The following MGA variants were observed in gnomAD, a reference collection of about 807,000 sequenced individuals.
MGA encodes MAX dimerization protein MGA.
Under a neutral mutation model 261.1 loss-of-function variants are expected in MGA, and 40 were observed. The observed-to-expected ratio is 0.15, with a 90% CI of 0.12 to 0.20. MGA has a LOEUF of 0.20. Among genes scored for constraint, MGA ranks in the 10% least tolerant of loss-of-function variants. MGA has a pLI of 1.00. For synonymous variants in MGA, 1,302 were observed against 1,290.6 expected (o/e 1.01, Z -0.19); for missense variants, 3,397 against 3,630.5 (o/e 0.94, Z 1.65).
At chr15:41,711,395 A>ATT in intron 8 of MGA, 46 bp downstream of exon 8, 1 of 1,517,838 alleles carries the variant, frequency 6.6e-7, no homozygotes, top group Non-Finnish European at 8.8e-7. Flanking sequence ...CTTGGCTAGA[A>ATT]AGAGCGAGGT....
Position 41,757,782 on chromosome 15 carries a change from A to T in MGA, c.7140-6A>T, listed in dbSNP as rs769296516. 2 of 1,606,684 alleles carry T rather than the reference A, an allele frequency of 1.2e-6. No homozygotes were observed. The highest frequency in any genetic ancestry group is 1.7e-6 in the Non-Finnish European group (2 of 1,174,428). On this transcript the variant is annotated splice_region_variant and splice_polypyrimidine_tract_variant and intron_variant, in intron 18 of 23. Transcript: ENST00000219905. ...TAAGACACTGAAAAATCCTGTCTTT[A>T]TCCAGGTCCTGTACTCACATCTCTG...
chr15:41,674,108 T>A (rs1219712167), intron 2 of MGA, among the ~76,000 whole-genome samples: 1 of 152,100 alleles, frequency 6.6e-6, no homozygotes. Context: ...GCCAGGCTGG[T>A]TTTGAACTCT....
At chr15:41,667,574 TTCAC>T (rs2057821764) in intron 1 of MGA, among the ~76,000 whole-genome samples, 1 of 152,092 alleles carries the variant, frequency 6.6e-6, no homozygotes, top group Non-Finnish European at 1.5e-5. Context: ...GAGACGGACT[TTCAC>T]TACGTTGGAC....
intron 15 of MGA, among the ~76,000 whole-genome samples, chr15:41,747,585 G>A (rs377695518): frequency 6.7e-6 from 1 of 150,150 alleles, no homozygotes. Flanking sequence ...AAAAAAGCGT[G>A]CACCTGTGGT....
chr15:41,738,527 C>T (rs567924105), intron 13 of MGA, among the ~76,000 whole-genome samples: 30 of 152,282 alleles, frequency 2.0e-4, no homozygotes, highest in African/African-American at 6.3e-4. Flanking sequence ...ACAGTATTTT[C>T]TCTACCTTAT....
At chr15:41,719,294 C>A (rs1480407663) in intron 9 of MGA, among the ~76,000 whole-genome samples, 2 of 152,062 alleles carry the variant, frequency 1.3e-5, no homozygotes, top group Non-Finnish European at 2.9e-5. Flanking sequence ...TCAGAAGACA[C>A]TCTTGGTAAG....
chr15:41,748,555 TAAAA>T, intron 15 of MGA, 78 bp from the exon 16 acceptor site: 3 of 1,445,152 alleles, frequency 2.1e-6, no homozygotes, highest in Non-Finnish European at 2.8e-6. Context: ...GACTGTGTCT[TAAAA>T]AATATTATGA....
At chr15:41,700,171 A>G (rs944422227) in intron 5 of MGA, among the ~76,000 whole-genome samples, 1 of 150,570 alleles carries the variant, frequency 6.6e-6, no homozygotes, top group African/African-American at 2.4e-5. Flanking sequence ...CAGCCTCCCA[A>G]GTAGCTGGGA....
intron 8 of MGA, among the ~76,000 whole-genome samples, chr15:41,712,339 T>C (rs2060427732): frequency 6.6e-6 from 1 of 152,062 alleles, no homozygotes; most frequent in African/African-American, 2.4e-5. Context: ...GCCTCCTGAG[T>C]AGCTGGGGCC....
chr15:41,735,263 G>C (rs1001177970), intron 12 of MGA, among the ~76,000 whole-genome samples: 1 of 152,206 alleles, frequency 6.6e-6, no homozygotes, highest in Non-Finnish European at 1.5e-5. Context: ...TTGGGAAGCT[G>C]TGCTAAAGAA....
intron 13 of MGA, among the ~76,000 whole-genome samples, 160 bp downstream of exon 13, chr15:41,736,858 A>G (rs2061805058): frequency 1.3e-5 from 2 of 152,174 alleles, no homozygotes; most frequent in Admixed American, 1.3e-4. Context: ...CCTAGTTTAG[A>G]TGCATACCTA....
intron 2 of MGA, among the ~76,000 whole-genome samples, chr15:41,682,864 C>G (rs935252348): frequency 1.6e-4 from 24 of 152,034 alleles, no homozygotes; most frequent in African/African-American, 5.6e-4. Flanking sequence ...GTTCATTTTT[C>G]AGTAGTTTCT....
intron 9 of MGA, among the ~76,000 whole-genome samples, chr15:41,724,782 CA>C (rs1204434813): frequency 1.3e-5 from 2 of 152,152 alleles, no homozygotes; most frequent in African/African-American, 4.8e-5. Context: ...CTAATTGACT[CA>C]ATCACTTTCT....
intron 5 of MGA, among the ~76,000 whole-genome samples, chr15:41,706,716 A>G (rs1002096672): frequency 8.6e-5 from 13 of 151,710 alleles, no homozygotes; most frequent in African/African-American, 3.1e-4. Context: ...GAGTAGCTAC[A>G]GGCACATGCC....
chr15:41,663,261 C>T lies in MGA; in HGVS notation c.-68+2736C>T, dbSNP rs117890417. ...TCAGAGTGTTACTGAATTTTCCCCT[C>T]CACAACTTATTTTGTTGGCTTTTTA... On this transcript the variant is annotated intron_variant, in intron 1 of 23. Coordinates refer to ENST00000219905, the MANE Select transcript of MGA (RefSeq NM_001164273.2). Among the ~76,000 whole-genome samples the T allele has an allele frequency of 1.4e-4, 21 of 152,072 alleles. No individual in the cohort carries two copies. The East Asian group carries it at 3.5e-3, about 25-fold the overall frequency.
Position 41,728,156 on chromosome 15 carries a change from C to T in MGA, c.3657+750C>T, listed in dbSNP as rs796190882. ...ACCAGCCTGGCCAACATGGTGAAAC[C>T]CCGCCTCTACTAAAAATAAGAAAAA... On this transcript the variant is annotated intron_variant, in intron 10 of 23. Coordinates refer to ENST00000219905, the MANE Select transcript of MGA (RefSeq NM_001164273.2). 4.6e-5 allele frequency among the ~76,000 whole-genome samples: 7 copies of T among 152,232 alleles called. No individual in the cohort carries two copies. In the South Asian group the frequency reaches 1.5e-3, roughly 32 times the overall value.
intron 9 of MGA, among the ~76,000 whole-genome samples, chr15:41,717,606 AT>A (rs549213044): frequency 5.3e-4 from 81 of 152,332 alleles, no homozygotes; most frequent in African/African-American, 1.7e-3. Context: ...CCTTATACTT[AT>A]TAGAGAATTG....
chr15:41,650,871 A>G (rs938039047), intron 1 of MGA, among the ~76,000 whole-genome samples: 2 of 152,242 alleles, frequency 1.3e-5, no homozygotes, highest in African/African-American at 4.8e-5. Context: ...CAAATATAGA[A>G]GCCCATTTCC....
intron 2 of MGA, among the ~76,000 whole-genome samples, chr15:41,680,881 C>T (rs1288615113): frequency 6.6e-6 from 1 of 152,120 alleles, no homozygotes; most frequent in Non-Finnish European, 1.5e-5. Flanking sequence ...TTTTCCCCAC[C>T]CTAGAGGTTG....
Sources: allele counts gnomAD v4.1 joint callset (sites outside exome capture counted in the v4.1 genomes callset), GRCh38; gene constraint gnomAD v4.1.1; transcripts MANE v1.5; gene names NCBI Gene and HGNC (gene_info 2026-07-23, HGNC 2026-07-21).